Variants in ANK3 observed in about 807,000 individuals in gnomAD.
ANK3 encodes the protein ankyrin 3.
ANK3 carries 57 observed loss-of-function variants against 370.9 expected under a neutral mutation model. That is an observed-to-expected ratio of 0.15 (90% CI 0.12 to 0.19). The LOEUF (loss-of-function observed/expected upper bound fraction) is 0.19, where lower values mean the gene tolerates loss of function less well. ANK3 is among the 10% of genes least tolerant of loss of function. The pLI, the probability that ANK3 is intolerant of heterozygous loss-of-function variation, is 1.00. For synonymous variants in ANK3, 1,929 were observed against 1,946.3 expected (o/e 0.99, Z 0.23); for missense variants, 4,439 against 5,302.1 (o/e 0.84, Z 5.06).
chr10:60,125,243 G>A (rs144806925), intron 25 of ANK3, among the ~76,000 whole-genome samples: 8 of 152,090 alleles, frequency 5.3e-5, no homozygotes, highest in Admixed American at 3.3e-4. Context: ...AAGAAATTTC[G>A]TTCATTAAAT....
At chr10:60,563,230 A>T (rs2077380554) in intron 2 of ANK3, among the ~76,000 whole-genome samples, 1 of 152,204 alleles carries the variant, frequency 6.6e-6, no homozygotes, top group Non-Finnish European at 1.5e-5. Context: ...TGCTTCTAGA[A>T]ATATTTTTCC....
chr10:60,556,388 G>A (rs184392673), intron 2 of ANK3, among the ~76,000 whole-genome samples: 1 of 152,026 alleles, frequency 6.6e-6, no homozygotes, highest in Admixed American at 6.6e-5. Context: ...AACAGGAATT[G>A]CAAGTCTTCT....
At chr10:60,588,768 G>A (rs1461567056) in intron 2 of ANK3, among the ~76,000 whole-genome samples, 1 of 151,990 alleles carries the variant, frequency 6.6e-6, no homozygotes. Context: ...AACATAGTTG[G>A]GCATGGTTGT....
In ANK3 at chr10:60,083,592, A is replaced by G; in HGVS notation, c.4100T>C (p.Val1367Ala). 1 of 1,608,160 alleles carries G rather than the reference A, an allele frequency of 6.2e-7. No homozygotes were observed. Among genetic ancestry groups the G allele is most frequent in the Non-Finnish European group, 8.5e-7 (1 of 1,176,902 alleles). Residue 1367 changes from valine (V) to alanine (A), a missense_variant, in exon 33 of 44, where the codon GTT (valine) becomes GCT (alanine). Transcript: ENST00000280772. ...IEVLEGKPIY[V>A]DCYGNLAPLT... ...TGGGGCCAAATTTCCATAACAATCA[A>G]CATAAATAGGTTTTCCTTCCAGAAC...
rs542473959 is a variant in ANK3, at chr10:60,204,507, A to G, written c.1293+1285T>C. Among the ~76,000 whole-genome samples, 315 of 152,368 alleles carry G rather than the reference A, an allele frequency of 2.1e-3. 3 individuals are homozygous for G. Among genetic ancestry groups the G allele is most frequent in the African/African-American group, 7.2e-3 (298 of 41,586 alleles). ...CAAATCAGTATTCATATTGTCAACCATTTAATATTTTAAAAATTCTAAGTG... is the reference window on the plus strand; with the variant it reads ...CAAATCAGTATTCATATTGTCAACCGTTTAATATTTTAAAAATTCTAAGTG... On this transcript the variant is annotated intron_variant, in intron 11 of 43. Transcript: ENST00000280772.
At chr10:60,183,476 AAAAC>A (rs1470152162) in intron 17 of ANK3, among the ~76,000 whole-genome samples, 4 of 152,218 alleles carry the variant, frequency 2.6e-5, no homozygotes, top group Non-Finnish European at 5.9e-5. Context: ...AAGATTTTAA[AAAAC>A]AATATGAAGG....
At chr10:60,200,396 G>A in intron 12 of ANK3, 169 bp from the exon 13 acceptor site, 1 of 661,694 alleles carries the variant, frequency 1.5e-6, no homozygotes, top group Non-Finnish European at 2.7e-6. Context: ...CAGGAACCTG[G>A]TCCATGAGGC....
chr10:60,340,476 AT>A (rs2054020197), intron 1 of ANK3, among the ~76,000 whole-genome samples: 1 of 152,022 alleles, frequency 6.6e-6, no homozygotes, highest in East Asian at 1.9e-4. Flanking sequence ...AAGTGGTGCA[AT>A]CTCAGCTCAC....
intron 1 of ANK3, among the ~76,000 whole-genome samples, chr10:60,303,163 A>G (rs2044209646): frequency 6.6e-6 from 1 of 152,230 alleles, no homozygotes; most frequent in Non-Finnish European, 1.5e-5. Flanking sequence ...GATTTTTTGC[A>G]TATGATGTCA....
chr10:60,578,040 T>C (rs924074731), intron 2 of ANK3, among the ~76,000 whole-genome samples: 52 of 152,336 alleles, frequency 3.4e-4, no homozygotes, highest in African/African-American at 1.2e-3. Context: ...AGCTTAACTG[T>C]AAGCAATACT....
intron 21 of ANK3, among the ~76,000 whole-genome samples, chr10:60,170,432 A>G (rs964775273): frequency 5.3e-5 from 8 of 152,212 alleles, no homozygotes; most frequent in African/African-American, 1.7e-4. Context: ...TGTCTAAGCT[A>G]GTTTACATGT....
chr10:60,111,833 A>C, intron 26 of ANK3: 1 of 442,184 alleles, frequency 2.3e-6, no homozygotes, highest in Non-Finnish European at 4.5e-6. Context: ...AGCAACAGAA[A>C]ATGTCAATGA....
rs139009755 is a variant in ANK3, at chr10:60,549,998, T to C, written c.96+65188A>G. ...CTTCAAAGAAATAAGCAAGAGTATT[T>C]ACCGTGCTTCCATAAGGAAGTTTGT... On this transcript the variant is annotated intron_variant, in intron 2 of 43. Transcript: ENST00000373827. 4.6e-3 allele frequency among the ~76,000 whole-genome samples: 695 copies of C among 152,186 alleles called. 6 individuals carry two copies. The highest frequency in any genetic ancestry group is 0.016 in the African/African-American group (652 of 41,556).
chr10:60,100,234 G>GTTTTTTTTTTTTTTTTTTTTTT lies in ANK3; in HGVS notation c.3328+5649_3328+5670dup, dbSNP rs3045340. On this transcript the variant is annotated intron_variant, in intron 28 of 43. Transcript: ENST00000280772. Reference sequence around the variant, plus strand: ...GGCTGAAAGTCAGTATTTTGCTATGGTTTTTTTTTTTTTTTTTTTTTTGCA... The same window carrying GTTTTTTTTTTTTTTTTTTTTTT: ...GGCTGAAAGTCAGTATTTTGCTATGGTTTTTTTTTTTTTTTTTTTTTTTTTTTTTTTTTTTTTTTTTTTTGCA... Among the ~76,000 whole-genome samples, 27 of 57,900 alleles carry GTTTTTTTTTTTTTTTTTTTTTT rather than the reference G, an allele frequency of 4.7e-4. 5 individuals carry two copies. Among genetic ancestry groups the GTTTTTTTTTTTTTTTTTTTTTT allele is most frequent in the African/African-American group, 2.0e-3 (23 of 11,736 alleles). 38.0% of individuals were successfully genotyped at this position (57,900 alleles called of 152,430 possible).
chr10:60,247,163 C>A (rs2097568296), intron 7 of ANK3, among the ~76,000 whole-genome samples: 2 of 151,870 alleles, frequency 1.3e-5, no homozygotes, highest in East Asian at 1.9e-4. Context: ...CTACAGGTGC[C>A]CGCCACCACG....
chr10:60,280,203 T>C (rs561016616), intron 1 of ANK3, among the ~76,000 whole-genome samples: 2 of 152,272 alleles, frequency 1.3e-5, no homozygotes, highest in African/African-American at 4.8e-5. Flanking sequence ...GCTGAGACTA[T>C]GGACATGCGC....
chr10:60,713,006 C>T (rs902044193), intron 1 of ANK3, among the ~76,000 whole-genome samples: 32 of 152,100 alleles, frequency 2.1e-4, no homozygotes, highest in African/African-American at 7.2e-4. Context: ...TCCACAAGTA[C>T]GGTGGAGACT....
chr10:60,632,903 CAAAAAAAAAA>C (rs2078504001), intron 1 of ANK3, among the ~76,000 whole-genome samples: 1 of 81,104 alleles, frequency 1.2e-5, no homozygotes, highest in South Asian at 6.9e-4. Flanking sequence ...AAATAAAAAA[CAAAAAAAAAA>C]CCATACTTAT....
chr10:60,494,725 C>T (rs2075609796), intron 2 of ANK3, among the ~76,000 whole-genome samples: 1 of 152,144 alleles, frequency 6.6e-6, no homozygotes. Flanking sequence ...AAGACGTATA[C>T]ACTTTAAAAT....
Sources: allele counts gnomAD v4.1 joint callset (sites outside exome capture counted in the v4.1 genomes callset), GRCh38; gene constraint gnomAD v4.1.1; transcripts MANE v1.5; gene names NCBI Gene and HGNC (gene_info 2026-07-23, HGNC 2026-07-21).